PPP5C: variants seen among roughly 807,000 people sequenced by gnomAD.
PPP5C encodes the protein protein phosphatase 5 catalytic subunit.
In PPP5C, 21 loss-of-function variants were observed where a neutral mutation model predicts 66.7. The ratio of observed to expected loss-of-function variants is 0.31; its 90% CI spans 0.22 to 0.45. The LOEUF is 0.45. Ranked by LOEUF, PPP5C falls within the 20% of genes least tolerant of loss-of-function variation. The pLI, the probability that PPP5C is intolerant of heterozygous loss-of-function variation, is 1.00. For missense variants in PPP5C, 464 were observed against 675.9 expected, an observed-to-expected ratio of 0.69 and a Z score of 3.48; for synonymous variants, 246 against 257.4, an observed-to-expected ratio of 0.96 and a Z score of 0.43.
chr19:46,358,336 A>G (rs1972322725), intron 2 of PPP5C, among the ~76,000 whole-genome samples: 1 of 152,178 alleles, frequency 6.6e-6, no homozygotes, highest in African/African-American at 2.4e-5. Flanking sequence ...GAGACCAGTC[A>G]GGTTTGCAGG....
intron 4 of PPP5C, among the ~76,000 whole-genome samples, chr19:46,379,114 C>T (rs150972980): frequency 5.3e-4 from 80 of 152,234 alleles, no homozygotes; most frequent in Non-Finnish European, 9.4e-4. Context: ...AGTGCAGTGG[C>T]GCAATCTCAG....
rs115794636 is a variant in PPP5C, at chr19:46,366,994, G to C, written c.364-8610G>C. On this transcript the variant is annotated intron_variant, in intron 2 of 12. Coordinates refer to ENST00000012443, the MANE Select transcript of PPP5C (RefSeq NM_006247.4). ...GCCACTGTGCTGGATCTAGGTCGTA[G>C]GCAGCAAAGTAATCTAGCACATGCC... 2.0e-3 allele frequency among the ~76,000 whole-genome samples: 308 copies of C among 152,300 alleles called. 2 individuals carry two copies. Among genetic ancestry groups the C allele is most frequent in the African/African-American group, 7.1e-3 (294 of 41,568 alleles).
chr19:46,347,750 A>G (rs1171975495), intron 1 of PPP5C, among the ~76,000 whole-genome samples: 1 of 152,046 alleles, frequency 6.6e-6, no homozygotes, highest in African/African-American at 2.4e-5. Flanking sequence ...AAGGGTGGGG[A>G]TCCTTAAGAA....
chr19:46,372,174 A>G (rs1972604568), intron 2 of PPP5C, among the ~76,000 whole-genome samples: 1 of 152,084 alleles, frequency 6.6e-6, no homozygotes, highest in Admixed American at 6.6e-5. Flanking sequence ...GAGCATGTAC[A>G]CAAAATCATG....
intron 2 of PPP5C, among the ~76,000 whole-genome samples, chr19:46,363,807 GACATA>G (rs1197273000): frequency 6.6e-6 from 1 of 152,126 alleles, no homozygotes; most frequent in African/African-American, 2.4e-5. Context: ...AACATGTATA[GACATA>G]ACATATATGT....
At chr19:46,356,820 T>C (rs965274545) in intron 2 of PPP5C, among the ~76,000 whole-genome samples, 1 of 152,206 alleles carries the variant, frequency 6.6e-6, no homozygotes, top group African/African-American at 2.4e-5. Flanking sequence ...GGATGTGATA[T>C]AAAAATCCCT....
intron 6 of PPP5C, chr19:46,384,142 C>A: frequency 2.0e-6 from 1 of 501,506 alleles, no homozygotes; most frequent in Non-Finnish European, 3.6e-6. Flanking sequence ...GGCTTGTCTT[C>A]GTCTGCCTCA....
rs1973008206 is a variant in PPP5C, at chr19:46,390,755, A to G, written c.*409A>G. 1.6e-5 allele frequency: 18 copies of G among 1,138,368 alleles called. No individual in the cohort carries two copies. Among genetic ancestry groups the G allele is most frequent in the Non-Finnish European group, 2.0e-5 (18 of 916,330 alleles). The allele number at this position is 1,138,368 out of a possible 1,614,324, so 70.5% of individuals were successfully genotyped here. ...GGGCCCCGCCTGCGCCTCCCCTCCT[A>G]TAGCCCCATGGTGGGGCTAGGCTGG... On this transcript the variant is annotated 3_prime_UTR_variant, in exon 13 of 13. Coordinates refer to ENST00000012443, the MANE Select transcript of PPP5C (RefSeq NM_006247.4).
chr19:46,356,753 G>T (rs1026661848), intron 2 of PPP5C, among the ~76,000 whole-genome samples: 1 of 152,228 alleles, frequency 6.6e-6, no homozygotes, highest in Non-Finnish European at 1.5e-5. Flanking sequence ...GAGGAAGTGT[G>T]TATAAATATT....
At chr19:46,387,644 G>T (rs1972914463) in intron 9 of PPP5C, 191 bp downstream of exon 9, 2 of 1,516,146 alleles carry the variant, frequency 1.3e-6, no homozygotes, top group African/African-American at 1.4e-5. Flanking sequence ...GGCAAGCACG[G>T]TCGTGACCAT....
rs767582677 is a variant in PPP5C at position 46,383,007 on chromosome 19, C to CCTTTTTACCT, written c.634-393_634-384dup. The CCTTTTTACCT allele has an allele frequency of 9.2e-7, 1 of 1,084,880 alleles. No homozygotes were observed. The highest frequency in any genetic ancestry group is 1.6e-5 in the African/African-American group (1 of 60,712). 67.2% of individuals were successfully genotyped at this position (1,084,880 alleles called of 1,614,324 possible). A position where few individuals can be genotyped will look rare whatever the true frequency, so the allele number is the denominator to read the frequency against. ...AAGCACCAGTGTTGCCTATGACCTG[C>CCTTTTTACCT]CTTTTTACCTCTTTTTACCTAGAAA... On this transcript the variant is annotated intron_variant, in intron 4 of 12. Transcript: ENST00000012443. This position sits in a 1 kb window ranked among gnomAD's most constrained non-coding sequence, Gnocchi z 5.0.
At chr19:46,369,304 A>G (rs903602932) in intron 2 of PPP5C, among the ~76,000 whole-genome samples, 15 of 152,246 alleles carry the variant, frequency 9.9e-5, no homozygotes, top group African/African-American at 2.4e-4. Context: ...TGCTGTGGCA[A>G]CTGTAGCAAA....
At chr19:46,353,184 A>G (rs1274899903) in intron 1 of PPP5C, among the ~76,000 whole-genome samples, 1 of 152,226 alleles carries the variant, frequency 6.6e-6, no homozygotes, top group East Asian at 1.9e-4. Context: ...CCGTGGAGAC[A>G]TGAGGATTCC....
At chr19:46,351,341 G>A (rs999989551) in intron 1 of PPP5C, among the ~76,000 whole-genome samples, 6 of 152,140 alleles carry the variant, frequency 3.9e-5, no homozygotes, top group African/African-American at 9.7e-5. Context: ...CATGTGGGTC[G>A]ACCCGTGGAG....
intron 2 of PPP5C, among the ~76,000 whole-genome samples, chr19:46,358,706 C>T (rs528447545): frequency 3.3e-5 from 5 of 152,212 alleles, no homozygotes; most frequent in South Asian, 4.1e-4. Context: ...CGTTTAAAGA[C>T]AAAAGGATAA....
intron 1 of PPP5C, among the ~76,000 whole-genome samples, chr19:46,348,780 G>A (rs1228940696): frequency 3.3e-5 from 5 of 152,154 alleles, no homozygotes; most frequent in Non-Finnish European, 7.3e-5. Context: ...GGAGCACTTA[G>A]TGAGGTGGAA....
chr19:46,362,247 C>G (rs1420194705), intron 2 of PPP5C, among the ~76,000 whole-genome samples: 2 of 152,170 alleles, frequency 1.3e-5, no homozygotes, highest in African/African-American at 4.8e-5. Flanking sequence ...AGTCATGTAG[C>G]AGTAATTTAT....
intron 2 of PPP5C, among the ~76,000 whole-genome samples, chr19:46,354,831 G>A (rs755309822): frequency 3.3e-5 from 5 of 152,004 alleles, no homozygotes; most frequent in South Asian, 2.1e-4. Flanking sequence ...ATGCTGCCAG[G>A]GACAGCAGAC....
chr19:46,357,762 G>T (rs1972312169), intron 2 of PPP5C, among the ~76,000 whole-genome samples: 1 of 152,256 alleles, frequency 6.6e-6, no homozygotes, highest in Admixed American at 6.5e-5. Context: ...GATGCGCAGA[G>T]CAACGTGTGG....
Sources: gnomAD v4.1 joint callset for allele counts (sites outside exome capture counted in the v4.1 genomes callset) on GRCh38, gnomAD v4.1.1 for gene constraint, Gnocchi (gnomAD v3.1) non-coding constraint, MANE v1.5 for transcripts, NCBI Gene and HGNC (gene_info 2026-07-23, HGNC 2026-07-21) for gene names.